The following ARL15 variants were observed in gnomAD, a reference collection of about 807,000 sequenced individuals.
The protein encoded by ARL15 is ARF like GTPase 15.
A neutral mutation model predicts 25.2 loss-of-function variants in ARL15; 19 were observed. The observed-to-expected ratio is 0.75, with a 90% CI of 0.53 to 1.10. The LOEUF is 1.10. Among genes scored for constraint, ARL15 ranks in the 50% least tolerant of loss-of-function variants. The pLI is 0.00. For missense variants in ARL15, 220 were observed against 246.0 expected, an observed-to-expected ratio of 0.89 and a Z score of 0.71; for synonymous variants, 94 against 86.8, an observed-to-expected ratio of 1.08 and a Z score of -0.46.
At chr5:53,898,798 G>A (rs1223729530) in intron 4 of ARL15, among the ~76,000 whole-genome samples, 3 of 151,654 alleles carry the variant, frequency 2.0e-5, no homozygotes, top group Admixed American at 6.6e-5. Context: ...GACCACAGGC[G>A]TGTACCACCA....
chr5:54,111,648 T>C (rs896564028), intron 4 of ARL15, among the ~76,000 whole-genome samples: 19 of 152,128 alleles, frequency 1.2e-4, no homozygotes, highest in Admixed American at 6.5e-5. Context: ...GAAGTTAAAA[T>C]GGCACTTATA....
At chr5:54,211,215 A>T (rs917659906) in intron 1 of ARL15, among the ~76,000 whole-genome samples, 2 of 152,118 alleles carry the variant, frequency 1.3e-5, no homozygotes, top group African/African-American at 4.8e-5. Context: ...GGGCTATTGC[A>T]GGGTTTTCTC....
chr5:53,885,131 TA>T lies in ARL15; in HGVS notation c.*1429del, dbSNP rs1345549506. ...CCAGGTATTACATCATTCTGTAATA[TA>T]GTGTGAGTCTGTGGTATTTGGGTAT... On this transcript the variant is annotated 3_prime_UTR_variant, in exon 5 of 5. Coordinates refer to ENST00000504924, the MANE Select transcript of ARL15 (RefSeq NM_019087.3). 6 of 152,746 alleles carry T rather than the reference TA, an allele frequency of 3.9e-5. No individual in the cohort carries two copies. The highest frequency in any genetic ancestry group is 7.4e-5 in the Non-Finnish European group (5 of 68,020). 9.5% of individuals were successfully genotyped at this position (152,746 alleles called of 1,614,324 possible).
chr5:53,919,352 T>C lies in ARL15; in HGVS notation c.463-32639A>G, dbSNP rs116239968. Among the ~76,000 whole-genome samples, 692 of 152,256 alleles carry C rather than the reference T, an allele frequency of 4.5e-3. 3 individuals carry two copies. The highest frequency in any genetic ancestry group is 0.015 in the African/African-American group (606 of 41,558). Reference sequence around the variant, plus strand: ...GCAGAATGGTTTGCAGAACCGTAAATAATCATGGTAGAATCTACAAATGTA... The same window carrying C: ...GCAGAATGGTTTGCAGAACCGTAAACAATCATGGTAGAATCTACAAATGTA... On this transcript the variant is annotated intron_variant, in intron 4 of 4. Coordinates refer to ENST00000504924, the MANE Select transcript of ARL15 (RefSeq NM_019087.3).
At chr5:54,084,319 G>A (rs976633928) in intron 4 of ARL15, among the ~76,000 whole-genome samples, 24 of 152,044 alleles carry the variant, frequency 1.6e-4, no homozygotes, top group African/African-American at 5.5e-4. Flanking sequence ...GTGGCTGGGT[G>A]GGGTAAGACT....
intron 4 of ARL15, among the ~76,000 whole-genome samples, chr5:53,907,500 T>TG (rs1745309498): frequency 1.1e-5 from 1 of 89,188 alleles, no homozygotes; most frequent in African/African-American, 4.4e-5. Flanking sequence ...TTTTTTTTTT[T>TG]TTTTTTTTTT....
chr5:53,995,987 T>C (rs1397464774), intron 4 of ARL15, among the ~76,000 whole-genome samples: 1 of 152,228 alleles, frequency 6.6e-6, no homozygotes, highest in Non-Finnish European at 1.5e-5. Flanking sequence ...TTAATAACTG[T>C]ATATAACTTT....
rs145655720 is a variant in ARL15, at chr5:54,145,124, T to C, written c.253+9456A>G. On this transcript the variant is annotated intron_variant, in intron 3 of 4. Coordinates refer to ENST00000504924, the MANE Select transcript of ARL15 (RefSeq NM_019087.3). ...GAATTTTGGCTATGGAAGAAAAATA[T>C]AAAGACATATATAACAAAAGACATT... Among the ~76,000 whole-genome samples, 370 of 152,288 alleles carry C rather than the reference T, an allele frequency of 2.4e-3. 4 individuals are homozygous for C. The highest frequency in any genetic ancestry group is 8.5e-3 in the African/African-American group (353 of 41,562).
At chr5:53,971,628 CT>C (rs1747753215) in intron 4 of ARL15, among the ~76,000 whole-genome samples, 2 of 151,932 alleles carry the variant, frequency 1.3e-5, no homozygotes, top group Admixed American at 6.6e-5. Context: ...AAAGAAGAGC[CT>C]TTCATTACTT....
At chr5:54,198,137 G>A (rs1481960055) in intron 1 of ARL15, among the ~76,000 whole-genome samples, 3 of 152,090 alleles carry the variant, frequency 2.0e-5, no homozygotes, top group Admixed American at 1.3e-4. Context: ...GTATTGATGG[G>A]ACTTATCTCA....
At chr5:54,235,850 T>G (rs1300515684) in intron 1 of ARL15, among the ~76,000 whole-genome samples, 1 of 152,252 alleles carries the variant, frequency 6.6e-6, no homozygotes, top group Non-Finnish European at 1.5e-5. Context: ...CATTTGACTA[T>G]ACTTCTATAC....
At chr5:53,914,817 T>C (rs1329503843) in intron 4 of ARL15, among the ~76,000 whole-genome samples, 1 of 152,236 alleles carries the variant, frequency 6.6e-6, no homozygotes, top group Non-Finnish European at 1.5e-5. Context: ...TCTTTTCTTT[T>C]CTTTCTTTCC....
rs368744377 is a variant in ARL15, at chr5:54,066,032, G to T, written c.462+47170C>A. On this transcript the variant is annotated intron_variant, in intron 4 of 4. Coordinates refer to ENST00000504924, the MANE Select transcript of ARL15 (RefSeq NM_019087.3). ...CAGTTATTGAGTTCTTACTCTGCTA[G>T]ATGTTTTAAATACATTATTTCTAGC... Among the ~76,000 whole-genome samples the T allele has an allele frequency of 2.2e-4, 34 of 152,284 alleles. No individual in the cohort carries two copies. In the East Asian group the frequency reaches 6.4e-3, roughly 29 times the overall value.
At chr5:54,119,655 T>C (rs192596428) in intron 3 of ARL15, among the ~76,000 whole-genome samples, 42 of 152,280 alleles carry the variant, frequency 2.8e-4, no homozygotes, top group African/African-American at 9.9e-4. Context: ...TCCTACCATG[T>C]TCCTCTGTTG....
intron 3 of ARL15, among the ~76,000 whole-genome samples, chr5:54,123,151 G>A (rs1263692736): frequency 5.5e-5 from 8 of 144,888 alleles, no homozygotes; most frequent in Non-Finnish European, 9.0e-5. Context: ...CTCTTTTTGC[G>A]CAGGCTGGAG....
At chr5:54,200,778 T>C (rs1214162937) in intron 1 of ARL15, among the ~76,000 whole-genome samples, 3 of 152,184 alleles carry the variant, frequency 2.0e-5, no homozygotes, top group Non-Finnish European at 4.4e-5. Context: ...ACTTCAGCTG[T>C]TGATGGCAAA....
At chr5:54,252,201 C>A (rs1288134941) in intron 1 of ARL15, among the ~76,000 whole-genome samples, 1 of 152,014 alleles carries the variant, frequency 6.6e-6, no homozygotes, top group African/African-American at 2.4e-5. Context: ...CTCCTGAATG[C>A]ATTTAACATT....
intron 4 of ARL15, among the ~76,000 whole-genome samples, chr5:54,005,072 G>A (rs935175479): frequency 2.0e-5 from 3 of 151,856 alleles, no homozygotes; most frequent in South Asian, 2.1e-4. Context: ...GGCTGCTCTC[G>A]CACTCCTGAG....
intron 1 of ARL15, among the ~76,000 whole-genome samples, chr5:54,230,204 G>A (rs1311953282): frequency 6.6e-6 from 1 of 151,852 alleles, no homozygotes; most frequent in Non-Finnish European, 1.5e-5. Context: ...AAAATTAGCT[G>A]GGCATGGTGG....
Sources: allele counts gnomAD v4.1 joint callset (sites outside exome capture counted in the v4.1 genomes callset), GRCh38; gene constraint gnomAD v4.1.1; transcripts MANE v1.5; gene names NCBI Gene and HGNC (gene_info 2026-07-23, HGNC 2026-07-21).